GALNT14: variants seen among roughly 807,000 people sequenced by gnomAD.
GALNT14 encodes polypeptide N-acetylgalactosaminyltransferase 14, also known as UDP-GalNAc:polypeptide N-acetylgalactosaminyltransferase 14.
Under a neutral mutation model 77.5 loss-of-function variants are expected in GALNT14, and 60 were observed. That is an observed-to-expected ratio of 0.77 (90% confidence interval 0.63 to 0.96). GALNT14 has a LOEUF of 0.96. GALNT14 is among the 40% of genes least tolerant of loss of function. The pLI is 0.00. For synonymous variants in GALNT14, 280 were observed against 281.7 expected, an observed-to-expected ratio of 0.99 and a Z score of 0.06; for missense variants, 710 against 731.0, an observed-to-expected ratio of 0.97 and a Z score of 0.33.
intron 1 of GALNT14, among the ~76,000 whole-genome samples, chr2:31,103,142 G>T (rs747399035): frequency 6.7e-6 from 1 of 150,288 alleles, no homozygotes; most frequent in Non-Finnish European, 1.5e-5. Context: ...CTTATTCCTA[G>T]ATCTCATTTT....
intron 6 of GALNT14, among the ~76,000 whole-genome samples, chr2:30,955,046 T>A (rs1294050651): frequency 6.6e-6 from 1 of 152,192 alleles, no homozygotes; most frequent in East Asian, 1.9e-4. Flanking sequence ...AAATTAAATT[T>A]CCTTTCACTT....
chr2:31,048,937 G>A (rs1235362512), intron 1 of GALNT14, among the ~76,000 whole-genome samples: 1 of 152,102 alleles, frequency 6.6e-6, no homozygotes, highest in Non-Finnish European at 1.5e-5. Context: ...GCCCGTCACT[G>A]GCCAAATGCC....
At chr2:31,064,496 C>G (rs1457340283) in intron 1 of GALNT14, among the ~76,000 whole-genome samples, 1 of 152,128 alleles carries the variant, frequency 6.6e-6, no homozygotes. Context: ...TATCTGGGGA[C>G]TAAATTTAAC....
At chr2:31,107,584 TACAGCAGCC>T (rs1677620646) in intron 1 of GALNT14, among the ~76,000 whole-genome samples, 2 of 152,200 alleles carry the variant, frequency 1.3e-5, no homozygotes, top group Non-Finnish European at 2.9e-5. Flanking sequence ...GGTTGTCTTG[TACAGCAGCC>T]ACATTATACA....
intron 1 of GALNT14, among the ~76,000 whole-genome samples, chr2:31,004,465 GGATA>G (rs1180981445): frequency 6.6e-6 from 1 of 152,234 alleles, no homozygotes; most frequent in African/African-American, 2.4e-5. Context: ...GGATGGAGCT[GGATA>G]GAGCTGGATG....
chr2:31,115,952 T>C (rs1054933541), intron 1 of GALNT14, among the ~76,000 whole-genome samples: 9 of 152,146 alleles, frequency 5.9e-5, no homozygotes, highest in African/African-American at 1.4e-4. Flanking sequence ...GCCCAGGAGT[T>C]TGAAGCTACA....
At chr2:30,893,970 T>C in the GALNT14 span, among the ~76,000 whole-genome samples, 1 of 152,182 alleles carries the variant, frequency 6.6e-6, no homozygotes, top group East Asian at 1.9e-4. Flanking sequence ...TTACACTATA[T>C]ATAATATTAT....
intron 1 of GALNT14, among the ~76,000 whole-genome samples, chr2:31,046,098 A>G (rs1287701404): frequency 1.3e-5 from 2 of 152,196 alleles, no homozygotes; most frequent in African/African-American, 4.8e-5. Flanking sequence ...CAGGATTCCA[A>G]TGAGGTAGGT....
chr2:30,912,116 C>T, intron 14 of GALNT14, 107 bp downstream of exon 14: 1 of 1,415,644 alleles, frequency 7.1e-7, no homozygotes, highest in Non-Finnish European at 9.7e-7. Context: ...CTTATCAACT[C>T]TTCCTCTTCT....
At chr2:30,892,509 G>A in the GALNT14 span, among the ~76,000 whole-genome samples, 29 of 152,328 alleles carry the variant, frequency 1.9e-4, 1 homozygote, top group African/African-American at 7.0e-4. Context: ...AATTTATTAT[G>A]TCTTGTGCAT....
At chr2:31,082,834 A>G (rs1487052308) in intron 1 of GALNT14, among the ~76,000 whole-genome samples, 3 of 152,206 alleles carry the variant, frequency 2.0e-5, no homozygotes, top group African/African-American at 4.8e-5. Context: ...CCTGGCCAAC[A>G]TGGTGAAACC....
chr2:31,133,853 G>C (rs534917751), intron 1 of GALNT14, among the ~76,000 whole-genome samples: 15 of 75,838 alleles, frequency 2.0e-4, no homozygotes, highest in Middle Eastern at 7.0e-3. Flanking sequence ...TGGATAATTG[G>C]GGGGGAGGCA....
chr2:30,904,332 G>C, the GALNT14 span, among the ~76,000 whole-genome samples: 1 of 152,218 alleles, frequency 6.6e-6, no homozygotes, highest in Non-Finnish European at 1.5e-5. Flanking sequence ...CCAGACAGTG[G>C]GCGCAGGTCA....
rs180943022 is a variant in GALNT14, at chr2:31,133,384, C to T, written c.129+4574G>A. ...GACTTTTTTTAATGAGAGAAATTATCTACTAAATGAGGAATAAAATAACAG... is the reference window on the plus strand; with the variant it reads ...GACTTTTTTTAATGAGAGAAATTATTTACTAAATGAGGAATAAAATAACAG... On this transcript the variant is annotated intron_variant, in intron 1 of 14. Coordinates refer to ENST00000349752, the MANE Select transcript of GALNT14 (RefSeq NM_024572.4). Among the ~76,000 whole-genome samples the T allele has an allele frequency of 2.1e-4, 32 of 152,164 alleles. No individual in the cohort carries two copies. In the East Asian group the frequency reaches 5.6e-3, roughly 27 times the overall value.
intron 1 of GALNT14, among the ~76,000 whole-genome samples, chr2:31,049,105 G>A (rs1306848069): frequency 6.6e-6 from 1 of 152,112 alleles, no homozygotes; most frequent in Non-Finnish European, 1.5e-5. Context: ...TTCATCTAGC[G>A]ATTCTCTACA....
chr2:30,925,721 C>T (rs975582338), intron 11 of GALNT14, among the ~76,000 whole-genome samples: 3 of 152,108 alleles, frequency 2.0e-5, no homozygotes, highest in Admixed American at 6.6e-5. Flanking sequence ...TAAAGGGTCC[C>T]GTGAGGCACT....
chr2:30,891,145 T>C, the GALNT14 span, among the ~76,000 whole-genome samples: 5 of 152,150 alleles, frequency 3.3e-5, no homozygotes, highest in African/African-American at 1.2e-4. Context: ...AATTCCGGCA[T>C]GAGACATGGG....
rs77097988 is a variant in GALNT14, at chr2:31,004,546, G to C, written c.130-11539C>G. On this transcript the variant is annotated intron_variant, in intron 1 of 14. Transcript: ENST00000349752. ...GGATGCAGGGTCAACTCATCAGACA[G>C]AGGGCAGGTCTGCAAGGGTGAGGCT... 6.2e-3 allele frequency among the ~76,000 whole-genome samples: 944 copies of C among 152,290 alleles called. 10 individuals are homozygous for C. Among genetic ancestry groups the C allele is most frequent in the African/African-American group, 0.022 (918 of 41,562 alleles).
At chr2:31,039,529 A>G (rs560409105) in intron 1 of GALNT14, among the ~76,000 whole-genome samples, 1 of 152,258 alleles carries the variant, frequency 6.6e-6, no homozygotes, top group South Asian at 2.1e-4. Context: ...CCACAATCTC[A>G]TATTTTCCAT....
Sources: allele counts gnomAD v4.1 joint callset (sites outside exome capture counted in the v4.1 genomes callset), GRCh38; gene constraint gnomAD v4.1.1; transcripts MANE v1.5; gene names NCBI Gene and HGNC (gene_info 2026-07-23, HGNC 2026-07-21).